Variants in FGF5 observed in about 807,000 individuals in gnomAD.
FGF5 encodes heparin-binding growth factor 5.
FGF5 carries 23 observed loss-of-function variants against 21.8 expected under a neutral mutation model. The observed-to-expected ratio is 1.05, with a 90% confidence interval of 0.76 to 1.49. The LOEUF is 1.49. FGF5 is among the 40% of genes most tolerant of loss of function. The pLI is 0.00. For synonymous variants in FGF5, 158 were observed against 124.0 expected (o/e 1.27, Z -1.82); for missense variants, 352 against 332.9 (o/e 1.06, Z -0.45).
rs1309685791 is a variant in FGF5, at chr4:80,269,627, TC to T, written c.355+2450del. On this transcript the variant is annotated intron_variant, in intron 1 of 2. Transcript: ENST00000312465. ...GACAAAAAGCTTAATTTAAACTTTTTCCTAATTTATTCTTGTTTACAATAAC... is the reference window on the plus strand; with the variant it reads ...GACAAAAAGCTTAATTTAAACTTTTTCTAATTTATTCTTGTTTACAATAAC... Among the ~76,000 whole-genome samples the T allele has an allele frequency of 3.3e-5, 5 of 152,340 alleles. 1 individual carries two copies. The South Asian group carries it at 1.0e-3, about 32-fold the overall frequency.
chr4:80,272,282 C>G (rs1720291174), intron 1 of FGF5, among the ~76,000 whole-genome samples: 1 of 152,062 alleles, frequency 6.6e-6, no homozygotes, highest in Non-Finnish European at 1.5e-5. Context: ...TTCTCAGGCA[C>G]TATATCATTT....
intron 2 of FGF5, 53 bp downstream of exon 2, chr4:80,275,065 G>A: frequency 4.1e-6 from 3 of 738,858 alleles, no homozygotes; most frequent in Non-Finnish European, 6.5e-6. Context: ...TTTTACATTT[G>A]TAAAACAGAA....
Position 80,267,064 on chromosome 4 carries a change from G to A in FGF5, c.240G>A (p.Gln80=). Residue 80 remains glutamine, a synonymous_variant, in exon 1 of 3, where the codon CAG becomes CAA. Coordinates refer to ENST00000312465, the MANE Select transcript of FGF5 (RefSeq NM_004464.4). The part of the protein sequence containing the change: ...QGSGLEQSSF[Q]WSPSGRRTGS... ...GTGGCTTGGAGCAGAGCAGTTTCCA[G>A]TGGAGCCCCTCGGGGCGCCGGACCG... 2 of 1,614,254 alleles carry A rather than the reference G, an allele frequency of 1.2e-6. No homozygotes were observed. The highest frequency in any genetic ancestry group is 1.7e-6 in the Non-Finnish European group (2 of 1,180,042).
At chr4:80,273,098 A>C (rs1720315512) in intron 1 of FGF5, among the ~76,000 whole-genome samples, 1 of 151,926 alleles carries the variant, frequency 6.6e-6, no homozygotes, top group Non-Finnish European at 1.5e-5. Context: ...ACACTCAAAC[A>C]ATGTTCATAA....
intron 2 of FGF5, among the ~76,000 whole-genome samples, chr4:80,281,427 T>A (rs1263884767): frequency 6.6e-6 from 1 of 152,230 alleles, no homozygotes; most frequent in Non-Finnish European, 1.5e-5. Context: ...TATTAGTCTA[T>A]AACAACATTT....
chr4:80,282,987 C>T (rs1720598399), intron 2 of FGF5, among the ~76,000 whole-genome samples: 1 of 152,056 alleles, frequency 6.6e-6, no homozygotes, highest in Non-Finnish European at 1.5e-5. Flanking sequence ...GGTCCATGCA[C>T]AACATTATGT....
At position 80,290,737 on chromosome 4, in the gene FGF5, G is replaced by A. The variant is rs1720879559; in HGVS notation, c.*4065G>A. ...CGGTATGTGATGTTCCCCTTCGTGT[G>A]TCCATGTGTTCTTATTGTTCAATTC... On this transcript the variant is annotated 3_prime_UTR_variant, in exon 3 of 3. Transcript: ENST00000312465. 1 of 151,952 alleles carries A rather than the reference G, an allele frequency of 6.6e-6. No homozygotes were observed. The highest frequency in any genetic ancestry group is 2.4e-5 in the African/African-American group (1 of 41,334). 9.4% of individuals were successfully genotyped at this position (151,952 alleles called of 1,614,324 possible).
chr4:80,281,360 A>G (rs895580261), intron 2 of FGF5, among the ~76,000 whole-genome samples: 4 of 152,126 alleles, frequency 2.6e-5, no homozygotes, highest in African/African-American at 7.2e-5. Flanking sequence ...TTAGAGCAAA[A>G]TTTGGTCTAT....
intron 2 of FGF5, among the ~76,000 whole-genome samples, chr4:80,285,261 C>A (rs1214614045): frequency 6.6e-6 from 1 of 152,152 alleles, no homozygotes; most frequent in Non-Finnish European, 1.5e-5. Context: ...TGGTGCTGAC[C>A]TACATTGTCT....
intron 1 of FGF5, chr4:80,268,550 G>A (rs1720168669): frequency 2.0e-6 from 2 of 985,848 alleles, no homozygotes; most frequent in South Asian, 4.7e-5. Context: ...CCAGAGGGGG[G>A]TCGGAGGCGC....
intron 2 of FGF5, among the ~76,000 whole-genome samples, chr4:80,281,391 A>T (rs1385338463): frequency 6.6e-6 from 1 of 152,198 alleles, no homozygotes; most frequent in East Asian, 1.9e-4. Context: ...ATTACAGTCT[A>T]TGATAACCTT....
intron 1 of FGF5, among the ~76,000 whole-genome samples, chr4:80,267,520 T>G (rs548830977): frequency 2.2e-4 from 34 of 152,288 alleles, no homozygotes; most frequent in Non-Finnish European, 4.1e-4. Flanking sequence ...CTCACTCAAT[T>G]TGTTTACCTT....
chr4:80,280,426 T>G (rs1720520189), intron 2 of FGF5, among the ~76,000 whole-genome samples: 1 of 152,206 alleles, frequency 6.6e-6, no homozygotes, highest in Admixed American at 6.5e-5. Context: ...GAGTGACACT[T>G]GTCATTCATC....
chr4:80,288,690 A>G lies in FGF5; in HGVS notation c.*2018A>G, dbSNP rs1720810629. ...GAAAAATTTTAGCTGCCAAACAGGA[A>G]CTAGTAAACATATGTTCCTAATAAG... On this transcript the variant is annotated 3_prime_UTR_variant, in exon 3 of 3. Transcript: ENST00000312465. 6.6e-6 allele frequency: 1 copy of G among 152,638 alleles called. No homozygotes were observed. Among genetic ancestry groups the G allele is most frequent in the African/African-American group, 2.4e-5 (1 of 41,470 alleles). The allele number at this position is 152,638 out of a possible 1,614,324, so 9.5% of individuals were successfully genotyped here. A position where few individuals can be genotyped will look rare whatever the true frequency, so the allele number is the denominator to read the frequency against.
chr4:80,278,272 G>T (rs894469047), intron 2 of FGF5, among the ~76,000 whole-genome samples: 1 of 152,010 alleles, frequency 6.6e-6, no homozygotes, highest in South Asian at 2.1e-4. Flanking sequence ...TATTTAATAG[G>T]CAAATAAACA....
chr4:80,267,102 G>C lies in FGF5; in HGVS notation c.278G>C (p.Cys93Ser). 1 of 1,614,238 alleles carries C rather than the reference G, an allele frequency of 6.2e-7. No homozygotes were observed. The highest frequency in any genetic ancestry group is 8.5e-7 in the Non-Finnish European group (1 of 1,180,054). The change falls in exon 1 of 3, where the codon TGC becomes TCC. Residue 93 changes from cysteine (C) to serine (S), a missense_variant. Transcript: ENST00000312465. ...GGGCGCCGGACCGGCAGCCTCTACT[G>C]CAGAGTGGGCATCGGTTTCCATCTG... is the stretch of plus-strand genomic sequence containing the variant. The part of the protein sequence containing the change: ...PSGRRTGSLY[C>S]RVGIGFHLQI...
intron 2 of FGF5, among the ~76,000 whole-genome samples, chr4:80,284,281 A>G (rs1018428690): frequency 1.3e-5 from 2 of 152,140 alleles, no homozygotes; most frequent in African/African-American, 4.8e-5. Context: ...TAAAAATACA[A>G]AAATTAGCTG....
Position 80,266,769 on chromosome 4 carries a change from T to C in FGF5, c.-56T>C. On this transcript the variant is annotated 5_prime_UTR_variant, in exon 1 of 3. Coordinates refer to ENST00000312465, the MANE Select transcript of FGF5 (RefSeq NM_004464.4). ...CAGAGGCACGCAGCCGCACAGGGGCTACAGAGCCCAGAATCAGCCCTACAA... is the reference window on the plus strand; with the variant it reads ...CAGAGGCACGCAGCCGCACAGGGGCCACAGAGCCCAGAATCAGCCCTACAA... 2.1e-6 allele frequency: 3 copies of C among 1,430,364 alleles called. No homozygotes were observed. The highest frequency in any genetic ancestry group is 2.8e-6 in the Non-Finnish European group (3 of 1,061,470). The allele number at this position is 1,430,364 out of a possible 1,614,324, so 88.6% of individuals were successfully genotyped here. A position where few individuals can be genotyped will look rare whatever the true frequency, so the allele number is the denominator to read the frequency against.
intron 1 of FGF5, 150 bp from the exon 2 acceptor site, chr4:80,274,759 T>C (rs562750584): frequency 1.1e-4 from 50 of 473,342 alleles, no homozygotes; most frequent in Non-Finnish European, 1.8e-4. Flanking sequence ...TTTAACATAG[T>C]GAATGTCATG....
Sources: allele counts gnomAD v4.1 joint callset (sites outside exome capture counted in the v4.1 genomes callset), GRCh38; gene constraint gnomAD v4.1.1; transcripts MANE v1.5; gene names NCBI Gene and HGNC (gene_info 2026-07-23, HGNC 2026-07-21).